Variants in XYLT1 observed in about 807,000 individuals in gnomAD.
XYLT1 encodes the protein xylosyltransferase 1.
In XYLT1, 36 loss-of-function variants were observed where a neutral mutation model predicts 91.3. The observed-to-expected ratio is 0.39, with a 90% confidence interval of 0.30 to 0.52. The LOEUF is 0.52. Among genes scored for constraint, XYLT1 ranks in the 20% least tolerant of loss-of-function variants. The pLI is 0.68. For synonymous variants in XYLT1, 588 were observed against 532.0 expected (o/e 1.11, Z -1.45); for missense variants, 1,242 against 1,284.5 (o/e 0.97, Z 0.51).
chr16:17,173,083 A>T (rs1014124808), intron 5 of XYLT1, among the ~76,000 whole-genome samples: 2 of 152,248 alleles, frequency 1.3e-5, no homozygotes, highest in Admixed American at 6.5e-5. Flanking sequence ...AACAAATGTC[A>T]TCTGGGATCT....
chr16:17,137,445 T>G (rs1404376470), intron 8 of XYLT1: 1 of 152,234 alleles, frequency 6.6e-6, no homozygotes, highest in East Asian at 1.9e-4. Context: ...CTCTACACGG[T>G]GGCTCTAGTG....
At chr16:17,135,063 A>C (rs905496525) in intron 8 of XYLT1, among the ~76,000 whole-genome samples, 5 of 152,214 alleles carry the variant, frequency 3.3e-5, no homozygotes, top group Admixed American at 2.6e-4. Flanking sequence ...ATTTAGGTAC[A>C]GGTCACAGGC....
At chr16:17,156,780 G>A (rs1442735262) in intron 6 of XYLT1, among the ~76,000 whole-genome samples, 1 of 152,142 alleles carries the variant, frequency 6.6e-6, no homozygotes, top group Non-Finnish European at 1.5e-5. Flanking sequence ...ACTAATCTGT[G>A]CTAATTTACA....
intron 3 of XYLT1, among the ~76,000 whole-genome samples, chr16:17,230,196 G>A (rs1282310509): frequency 1.3e-5 from 2 of 152,186 alleles, no homozygotes; most frequent in Non-Finnish European, 2.9e-5. Context: ...GCTGGTTGAA[G>A]CGATTTGTTA....
chr16:17,128,539 C>T (rs1399529739), intron 9 of XYLT1, among the ~76,000 whole-genome samples: 1 of 152,214 alleles, frequency 6.6e-6, no homozygotes, highest in Admixed American at 6.5e-5. Flanking sequence ...GTCTGAGGCT[C>T]TTCGTGTCTG....
intron 11 of XYLT1, among the ~76,000 whole-genome samples, chr16:17,112,798 G>A (rs1432753755): frequency 6.6e-6 from 1 of 152,218 alleles, no homozygotes; most frequent in Non-Finnish European, 1.5e-5. Flanking sequence ...CACAAAGACA[G>A]CAGAAGCTGA....
chr16:17,211,105 G>A (rs74010740), intron 3 of XYLT1, among the ~76,000 whole-genome samples: 1 of 152,168 alleles, frequency 6.6e-6, no homozygotes, highest in African/African-American at 2.4e-5. Flanking sequence ...AAATAAAGGC[G>A]AGTCTATTGC....
chr16:17,263,463 T>C (rs2033753901), intron 2 of XYLT1, among the ~76,000 whole-genome samples: 1 of 152,050 alleles, frequency 6.6e-6, no homozygotes, highest in South Asian at 2.1e-4. Flanking sequence ...TGTGAACTTC[T>C]GCCTGGCCCC....
chr16:17,361,936 C>T (rs148735037), intron 1 of XYLT1, among the ~76,000 whole-genome samples: 10 of 152,306 alleles, frequency 6.6e-5, no homozygotes, highest in Non-Finnish European at 1.2e-4. Context: ...TGTATCATTT[C>T]GTTTACCCCT....
intron 3 of XYLT1, among the ~76,000 whole-genome samples, chr16:17,246,959 G>A (rs902134758): frequency 6.6e-6 from 1 of 152,220 alleles, no homozygotes; most frequent in Non-Finnish European, 1.5e-5. Context: ...ACCTCACACA[G>A]ACTTGGAGAG....
intron 2 of XYLT1, among the ~76,000 whole-genome samples, chr16:17,322,358 C>A (rs997017974): frequency 6.6e-6 from 1 of 152,164 alleles, no homozygotes; most frequent in South Asian, 2.1e-4. Context: ...TTAATTCATT[C>A]CCATGAACTA....
intron 8 of XYLT1, among the ~76,000 whole-genome samples, chr16:17,137,825 G>A (rs143522069): frequency 3.5e-4 from 54 of 152,254 alleles, no homozygotes; most frequent in African/African-American, 1.0e-3. Flanking sequence ...ATACAAATTC[G>A]TCGATATCAC....
intron 6 of XYLT1, among the ~76,000 whole-genome samples, chr16:17,146,186 A>C (rs1365511485): frequency 6.6e-6 from 1 of 152,126 alleles, no homozygotes; most frequent in African/African-American, 2.4e-5. Flanking sequence ...CATTCTTAGC[A>C]TTTCTTTTCT....
intron 1 of XYLT1, among the ~76,000 whole-genome samples, chr16:17,436,450 C>T (rs1039163183): frequency 6.6e-6 from 1 of 152,218 alleles, no homozygotes; most frequent in Admixed American, 6.5e-5. Flanking sequence ...GATCTCAGCA[C>T]TACCACCGTG....
At chr16:17,140,298 T>G (rs1030139773) in intron 7 of XYLT1, among the ~76,000 whole-genome samples, 2 of 152,160 alleles carry the variant, frequency 1.3e-5, no homozygotes, top group Non-Finnish European at 2.9e-5. Flanking sequence ...ATGTTCAACA[T>G]GAGAAAAGGC....
intron 11 of XYLT1, among the ~76,000 whole-genome samples, chr16:17,109,744 A>G (rs900236720): frequency 1.3e-5 from 2 of 152,220 alleles, no homozygotes; most frequent in African/African-American, 4.8e-5. Flanking sequence ...CTGAAAATAT[A>G]TCTAGCCCTT....
intron 2 of XYLT1, among the ~76,000 whole-genome samples, chr16:17,260,176 T>C (rs1161023154): frequency 6.6e-6 from 1 of 152,102 alleles, no homozygotes; most frequent in Non-Finnish European, 1.5e-5. Flanking sequence ...ATGAAGTCAT[T>C]TGGGGTCAAG....
chr16:17,407,888 C>A (rs2036054605), intron 1 of XYLT1, among the ~76,000 whole-genome samples: 1 of 152,056 alleles, frequency 6.6e-6, no homozygotes, highest in South Asian at 2.1e-4. Context: ...TAGATCAATA[C>A]CCTCCTTCTA....
intron 2 of XYLT1, among the ~76,000 whole-genome samples, chr16:17,357,372 CAGAGG>C (rs2035316802): frequency 5.9e-5 from 9 of 152,044 alleles, no homozygotes; most frequent in African/African-American, 2.2e-4. Flanking sequence ...CTAGAAGACA[CAGAGG>C]TGGAATTCCA....
Sources: allele counts gnomAD v4.1 joint callset (sites outside exome capture counted in the v4.1 genomes callset), GRCh38; gene constraint gnomAD v4.1.1; transcripts MANE v1.5; gene names NCBI Gene and HGNC (gene_info 2026-07-23, HGNC 2026-07-21).